The following ZNF385D variants were observed in gnomAD, a reference collection of about 807,000 sequenced individuals.
The protein encoded by ZNF385D is zinc finger protein 385D.
In ZNF385D, 15 loss-of-function variants were observed where a neutral mutation model predicts 35.8. The ratio of observed to expected loss-of-function variants is 0.42; its 90% CI spans 0.28 to 0.64. ZNF385D has a LOEUF of 0.64. Among genes scored for constraint, ZNF385D ranks in the 30% least tolerant of loss-of-function variants. ZNF385D has a pLI of 0.23. For missense variants in ZNF385D, 474 were observed against 494.6 expected (o/e 0.96, Z 0.39); for synonymous variants, 212 against 186.8 (o/e 1.13, Z -1.10).
At chr3:22,093,731 TTAA>T in intron 3 of ZNF385D, among the ~76,000 whole-genome samples, 1 of 152,292 alleles carries the variant, frequency 6.6e-6, no homozygotes, top group East Asian at 1.9e-4. Flanking sequence ...TTTTCAGGGA[TTAA>T]TAACATTTAC....
chr3:21,607,737 C>T (rs1300186158), intron 2 of ZNF385D, among the ~76,000 whole-genome samples: 1 of 152,088 alleles, frequency 6.6e-6, no homozygotes, highest in Non-Finnish European at 1.5e-5. Context: ...CATGTTGGGA[C>T]AGGAAAAGCT....
At chr3:21,657,310 TATTC>T (rs1336886611) in intron 2 of ZNF385D, among the ~76,000 whole-genome samples, 1 of 151,822 alleles carries the variant, frequency 6.6e-6, no homozygotes, top group East Asian at 1.9e-4. Flanking sequence ...ATAAGAAAAA[TATTC>T]ATGCGTTGTG....
intron 3 of ZNF385D, among the ~76,000 whole-genome samples, chr3:21,979,980 T>C (rs1694331982): frequency 6.6e-6 from 1 of 152,160 alleles, no homozygotes; most frequent in African/African-American, 2.4e-5. Flanking sequence ...CATTTCAAAA[T>C]ATGGTAGGAG....
intron 2 of ZNF385D, among the ~76,000 whole-genome samples, chr3:22,202,966 C>CA (rs1413731956): frequency 1.3e-5 from 2 of 152,046 alleles, no homozygotes. Context: ...ATCTAAGCCA[C>CA]AAAAATTGTA....
At chr3:22,237,303 ACT>A (rs1699241896) in intron 2 of ZNF385D, among the ~76,000 whole-genome samples, 1 of 152,178 alleles carries the variant, frequency 6.6e-6, no homozygotes, top group Non-Finnish European at 1.5e-5. Context: ...TCATGTGCCT[ACT>A]GGCTATTTGT....
At chr3:21,725,168 G>A (rs756140214) in intron 1 of ZNF385D, among the ~76,000 whole-genome samples, 1 of 152,122 alleles carries the variant, frequency 6.6e-6, no homozygotes, top group Non-Finnish European at 1.5e-5. Flanking sequence ...GAATTTCTGG[G>A]ACACATTTAA....
At chr3:21,468,401 CAAAA>C (rs1175784477) in intron 4 of ZNF385D, among the ~76,000 whole-genome samples, 9 of 72,650 alleles carry the variant, frequency 1.2e-4, no homozygotes, top group African/African-American at 1.2e-4. Flanking sequence ...GACACTGTCT[CAAAA>C]AAAAAAAAAA....
intron 3 of ZNF385D, among the ~76,000 whole-genome samples, chr3:22,021,761 T>A (rs1434208227): frequency 6.6e-6 from 1 of 152,082 alleles, no homozygotes. Context: ...TTCCACTAAC[T>A]TAGTGTTTTG....
chr3:21,627,660 A>G (rs2065173226), intron 2 of ZNF385D, among the ~76,000 whole-genome samples: 1 of 152,152 alleles, frequency 6.6e-6, no homozygotes, highest in Non-Finnish European at 1.5e-5. Context: ...AAAAAAGTTC[A>G]AAACAGTTGC....
chr3:22,133,787 G>C (rs1703944306), intron 3 of ZNF385D: 1 of 151,792 alleles, frequency 6.6e-6, no homozygotes, highest in Non-Finnish European at 1.5e-5. Context: ...TCTGCACTAA[G>C]ACAAGCAGAG....
chr3:21,546,064 A>G (rs948721049), intron 3 of ZNF385D, among the ~76,000 whole-genome samples: 39 of 150,982 alleles, frequency 2.6e-4, no homozygotes, highest in African/African-American at 9.0e-4. Flanking sequence ...GTCCTATCAT[A>G]TTTTTTTTTT....
chr3:22,315,432 G>A (rs1192592205), intron 2 of ZNF385D, among the ~76,000 whole-genome samples: 1 of 152,174 alleles, frequency 6.6e-6, no homozygotes, highest in Non-Finnish European at 1.5e-5. Flanking sequence ...GGAAGAGGAT[G>A]AGCTACGCAG....
intron 2 of ZNF385D, among the ~76,000 whole-genome samples, chr3:22,322,229 T>C (rs57080882): frequency 0.064 from 9,752 of 152,276 alleles, 915 homozygotes; most frequent in African/African-American, 0.21. Context: ...TAACATGTAG[T>C]ACCTGTTGTT....
intron 1 of ZNF385D, among the ~76,000 whole-genome samples, chr3:21,701,004 C>A (rs1265415403): frequency 1.3e-5 from 2 of 152,166 alleles, no homozygotes; most frequent in Non-Finnish European, 2.9e-5. Context: ...CATCAGTGCA[C>A]TCTTTTGCAC....
intron 2 of ZNF385D, among the ~76,000 whole-genome samples, chr3:22,229,227 T>C (rs1698739435): frequency 6.6e-6 from 1 of 152,248 alleles, no homozygotes. Flanking sequence ...TAAAACATTT[T>C]ACTTGCAGTA....
intron 2 of ZNF385D, among the ~76,000 whole-genome samples, chr3:22,266,821 A>T (rs1269810568): frequency 6.6e-6 from 1 of 151,956 alleles, no homozygotes; most frequent in African/African-American, 2.4e-5. Context: ...CTGTATGATG[A>T]TGCACAGATA....
At chr3:21,726,791 T>C (rs1163012367) in intron 1 of ZNF385D, among the ~76,000 whole-genome samples, 1 of 152,166 alleles carries the variant, frequency 6.6e-6, no homozygotes, top group African/African-American at 2.4e-5. Context: ...AAGCTACCAT[T>C]GACTTTCTTC....
chr3:22,243,861 G>C (rs1465273033), intron 2 of ZNF385D, among the ~76,000 whole-genome samples: 2 of 150,830 alleles, frequency 1.3e-5, no homozygotes, highest in Non-Finnish European at 2.9e-5. Context: ...TCCATCCAAA[G>C]TGGTATTCAA....
rs115441660 is a variant in ZNF385D, at chr3:22,184,742, G to A, written c.107-15707C>T. On this transcript the variant is annotated intron_variant, in intron 2 of 5. Transcript: ENST00000494108. Reference sequence around the variant, plus strand: ...CTCAGGAGGCTGAGGTAGGAAAATCGCTTAAACTGGGAGGAGGAGGTTGCA... The same window carrying A: ...CTCAGGAGGCTGAGGTAGGAAAATCACTTAAACTGGGAGGAGGAGGTTGCA... Among the ~76,000 whole-genome samples the A allele has an allele frequency of 1.4e-3, 212 of 152,220 alleles. 1 individual carries two copies. Among genetic ancestry groups the A allele is most frequent in the African/African-American group, 4.5e-3 (187 of 41,538 alleles).
Sources: gnomAD v4.1 joint callset for allele counts (sites outside exome capture counted in the v4.1 genomes callset) on GRCh38, gnomAD v4.1.1 for gene constraint, MANE v1.5 for transcripts, NCBI Gene and HGNC (gene_info 2026-07-23, HGNC 2026-07-21) for gene names.